Variants in PDE1A observed in about 807,000 individuals in gnomAD.
PDE1A encodes phosphodiesterase 1A.
PDE1A carries 35 observed loss-of-function variants against 61.7 expected under a neutral mutation model. The observed-to-expected ratio is 0.57, with a 90% CI of 0.43 to 0.75. The LOEUF (loss-of-function observed/expected upper bound fraction) is 0.75. PDE1A is among the 30% of genes least tolerant of loss of function. PDE1A has a pLI of 0.00. For missense variants in PDE1A, 597 were observed against 630.6 expected (o/e 0.95, Z 0.57); for synonymous variants, 232 against 213.2 (o/e 1.09, Z -0.77).
At chr2:182,534,606 G>C in the PDE1A span, among the ~76,000 whole-genome samples, 1 of 151,172 alleles carries the variant, frequency 6.6e-6, no homozygotes, top group South Asian at 2.1e-4. Flanking sequence ...AATACCTGCT[G>C]CAATTTTTAA....
At chr2:182,426,467 A>T in intron 1 of PDE1A, 111 bp downstream of exon 1, 1 of 750,818 alleles carries the variant, frequency 1.3e-6, no homozygotes, top group East Asian at 2.5e-5. Flanking sequence ...AACTTTAAGC[A>T]CTCTTGATTG....
At chr2:182,289,626 G>T (rs1010596488) in intron 1 of PDE1A, among the ~76,000 whole-genome samples, 7 of 151,998 alleles carry the variant, frequency 4.6e-5, no homozygotes, top group African/African-American at 1.4e-4. Context: ...TAACAGGAAG[G>T]ACATTTTCTA....
the PDE1A span, among the ~76,000 whole-genome samples, chr2:182,570,867 C>T: frequency 1.3e-5 from 2 of 152,144 alleles, no homozygotes; most frequent in Non-Finnish European, 2.9e-5. Context: ...GAGATAAAGG[C>T]ACTTGTTGCC....
intron 13 of PDE1A, among the ~76,000 whole-genome samples, chr2:182,152,632 G>T (rs1001248283): frequency 1.3e-4 from 20 of 151,974 alleles, no homozygotes; most frequent in African/African-American, 4.6e-4. Flanking sequence ...TGTTGGCCAG[G>T]CTGGTCTTGA....
At chr2:182,621,587 T>A in the PDE1A span, among the ~76,000 whole-genome samples, 17 of 30,550 alleles carry the variant, frequency 5.6e-4, no homozygotes, top group South Asian at 1.5e-3. Flanking sequence ...AAAAAAAAAT[T>A]TTTTTTTTTG....
At chr2:182,431,980 A>G (rs1019826717), upstream of PDE1A, among the ~76,000 whole-genome samples, 2 of 152,220 alleles carry the variant, frequency 1.3e-5, no homozygotes, top group Admixed American at 1.3e-4. Context: ...GGTTTACTTG[A>G]TATCAAGGTG....
At chr2:182,303,523 A>G (rs1695378828) in intron 1 of PDE1A, among the ~76,000 whole-genome samples, 1 of 152,198 alleles carries the variant, frequency 6.6e-6, no homozygotes, top group African/African-American at 2.4e-5. Context: ...TTTCTAGAGC[A>G]CAGGCAGAAT....
chr2:182,675,281 A>C, the PDE1A span, among the ~76,000 whole-genome samples: 1 of 152,136 alleles, frequency 6.6e-6, no homozygotes, highest in Non-Finnish European at 1.5e-5. Context: ...TGCAAAAGAC[A>C]TGATCTCATT....
the PDE1A span, among the ~76,000 whole-genome samples, chr2:182,557,940 C>T: frequency 6.6e-6 from 1 of 151,992 alleles, no homozygotes; most frequent in Non-Finnish European, 1.5e-5. Context: ...ATTTTAACTG[C>T]CATAGCCACA....
intron 2 of PDE1A, among the ~76,000 whole-genome samples, chr2:182,457,100 T>C (rs1685975886): frequency 6.6e-6 from 1 of 152,026 alleles, no homozygotes; most frequent in Non-Finnish European, 1.5e-5. Context: ...CCCTTTCTTG[T>C]TAGGATGCAT....
chr2:182,466,862 G>A (rs763937068), intron 2 of PDE1A, among the ~76,000 whole-genome samples: 2 of 151,876 alleles, frequency 1.3e-5, no homozygotes, highest in African/African-American at 2.4e-5. Flanking sequence ...CTTCTCAAGG[G>A]AATCCTTATT....
chr2:182,320,631 T>C (rs1465981537), intron 1 of PDE1A, among the ~76,000 whole-genome samples: 1 of 152,192 alleles, frequency 6.6e-6, no homozygotes, highest in African/African-American at 2.4e-5. Context: ...TTTTCAGGAC[T>C]CAATACAACC....
chr2:182,683,359 G>A, the PDE1A span, among the ~76,000 whole-genome samples: 3 of 152,052 alleles, frequency 2.0e-5, no homozygotes, highest in South Asian at 6.2e-4. Flanking sequence ...TTACAGGAGT[G>A]AGCCATCATG....
intron 1 of PDE1A, among the ~76,000 whole-genome samples, chr2:182,403,497 G>T (rs1440989042): frequency 6.6e-6 from 1 of 151,630 alleles, no homozygotes; most frequent in Non-Finnish European, 1.5e-5. Flanking sequence ...TACTCGGGAG[G>T]CTGAGGCAGG....
intron 1 of PDE1A, among the ~76,000 whole-genome samples, chr2:182,379,877 T>C (rs745444899): frequency 3.0e-4 from 45 of 152,278 alleles, no homozygotes; most frequent in Non-Finnish European, 5.9e-4. Flanking sequence ...CCTTACTTTG[T>C]AGCAATTCAC....
At chr2:182,427,099 A>G, upstream of PDE1A, 1 of 834,248 alleles carries the variant, frequency 1.2e-6, no homozygotes, top group Non-Finnish European at 1.4e-6. Context: ...TCTTCAAAAT[A>G]AAAGTTGTAC....
At chr2:182,472,947 T>TTC (rs10661926) in intron 2 of PDE1A, among the ~76,000 whole-genome samples, 108,385 of 150,898 alleles carry the variant, frequency 0.72, 39,212 homozygotes, top group East Asian at 0.95. Context: ...TATTAATTTT[T>TTC]TTTTTTTAAA....
chr2:182,417,217 C>A (rs1702975077), intron 1 of PDE1A, among the ~76,000 whole-genome samples: 1 of 152,228 alleles, frequency 6.6e-6, no homozygotes, highest in Non-Finnish European at 1.5e-5. Context: ...TGATGTTATA[C>A]CACTTTGCTA....
the PDE1A span, among the ~76,000 whole-genome samples, chr2:182,566,858 C>T: frequency 4.5e-3 from 688 of 152,292 alleles, 8 homozygotes; most frequent in South Asian, 0.036. Flanking sequence ...CTTTGCATAA[C>T]ATCTTCAAGC....
Sources: allele counts gnomAD v4.1 joint callset (sites outside exome capture counted in the v4.1 genomes callset), GRCh38; gene constraint gnomAD v4.1.1; transcripts MANE v1.5; gene names NCBI Gene and HGNC (gene_info 2026-07-23, HGNC 2026-07-21).